The following ZSCAN18 variants were observed in gnomAD, a reference collection of about 807,000 sequenced individuals.
The protein encoded by ZSCAN18 is zinc finger and SCAN domain-containing protein 18.
Under a neutral mutation model 31.1 loss-of-function variants are expected in ZSCAN18, and 16 were observed. The ratio of observed to expected loss-of-function variants is 0.51; its 90% CI spans 0.35 to 0.78. The LOEUF (loss-of-function observed/expected upper bound fraction) is 0.78, where lower values mean the gene tolerates loss of function less well. Among genes scored for constraint, ZSCAN18 ranks in the 30% least tolerant of loss-of-function variants. The pLI is 0.01. For missense variants in ZSCAN18, 731 were observed against 697.4 expected, an observed-to-expected ratio of 1.05 and a Z score of -0.54; for synonymous variants, 375 against 320.7, an observed-to-expected ratio of 1.17 and a Z score of -1.81.
rs753113170 is a variant in ZSCAN18 at position 58,084,714 on chromosome 19, G to T, written c.1504C>A (p.Pro502Thr). The T allele has an allele frequency of 2.0e-6, 3 of 1,507,376 alleles. No individual in the cohort carries two copies. Among genetic ancestry groups the T allele is most frequent in the South Asian group, 2.7e-5 (2 of 75,388 alleles). 93.4% of individuals were successfully genotyped at this position (1,507,376 alleles called of 1,614,324 possible). A position where few individuals can be genotyped will look rare whatever the true frequency, so the allele number is the denominator to read the frequency against. The change falls in exon 7 of 7, where the codon CCC becomes ACC. Residue 502 changes from proline (P) to threonine (T), a missense_variant. Pro to Thr is a conservative substitution (Grantham distance 38, BLOSUM62 -1). This residue lies in a region of ZSCAN18 where 597 missense variants were observed against 499.5 expected (regional missense o/e 1.20). Coordinates refer to ENST00000601144, the MANE Select transcript of ZSCAN18 (RefSeq NM_001145543.2). The surrounding 1 kb of genome is among the most constrained non-coding windows in gnomAD (Gnocchi z 4.5). ...GPPESVEGEA[P>T]PAPPEAQR ...CTCTGCGCCTCTGGGGGTGCGGGGGGAGCCTCGCCCTCCACGCTCTCTGGG... is the reference window on the plus strand; with the variant it reads ...CTCTGCGCCTCTGGGGGTGCGGGGGTAGCCTCGCCCTCCACGCTCTCTGGG...
intron 1 of ZSCAN18, among the ~76,000 whole-genome samples, chr19:58,107,393 C>T (rs1402288657): frequency 6.9e-6 from 1 of 143,894 alleles, no homozygotes; most frequent in Non-Finnish European, 1.6e-5. Flanking sequence ...CCTATCTCTA[C>T]TAAAAAAAAT....
intron 1 of ZSCAN18, among the ~76,000 whole-genome samples, chr19:58,112,088 G>A (rs1290534213): frequency 2.0e-5 from 3 of 152,124 alleles, no homozygotes; most frequent in African/African-American, 7.2e-5. Flanking sequence ...AGGCTGGAGT[G>A]CAGTGGTGCA....
Position 58,087,176 on chromosome 19 carries a change from C to G in ZSCAN18, c.642+140G>C, listed in dbSNP as rs1016179142. ...TCGCACCACAAAGATTCCGCCCTCA[C>G]GCTCCCACCAGGGTGGGTTCTGGGC... On this transcript the variant is annotated intron_variant, in intron 4 of 6. Coordinates refer to ENST00000601144, the MANE Select transcript of ZSCAN18 (RefSeq NM_001145543.2). 4 of 1,049,056 alleles carry G rather than the reference C, an allele frequency of 3.8e-6. No individual in the cohort carries two copies. The African/African-American group carries it at 6.4e-5, about 17-fold the overall frequency. The allele number at this position is 1,049,056 out of a possible 1,614,324, so 65.0% of individuals were successfully genotyped here. A position where few individuals can be genotyped will look rare whatever the true frequency, so the allele number is the denominator to read the frequency against.
At position 58,084,373 on chromosome 19, in the gene ZSCAN18, T is replaced by C. The variant is rs1421004650; in HGVS notation, c.*312A>G. The C allele has an allele frequency of 9.5e-6, 3 of 315,750 alleles. No individual in the cohort carries two copies. The highest frequency in any genetic ancestry group is 1.7e-5 in the Non-Finnish European group (3 of 173,586). The allele number at this position is 315,750 out of a possible 1,614,324, so 19.6% of individuals were successfully genotyped here. A position where few individuals can be genotyped will look rare whatever the true frequency, so the allele number is the denominator to read the frequency against. On this transcript the variant is annotated 3_prime_UTR_variant, in exon 7 of 7. Coordinates refer to ENST00000601144, the MANE Select transcript of ZSCAN18 (RefSeq NM_001145543.2). This position sits in a 1 kb window ranked among gnomAD's most constrained non-coding sequence, Gnocchi z 4.5. ...CAGATCACGCACTTTAAGGCAACTC[T>C]ACACTGCACAATGTCAAATAACCTA...
At chr19:58,108,147 G>A (rs1160177039) in intron 1 of ZSCAN18, 28 of 986,786 alleles carry the variant, frequency 2.8e-5, no homozygotes, top group Non-Finnish European at 3.1e-5. Flanking sequence ...GTTGTGGTTG[G>A]AGAATTTTTC....
rs942240562 is a variant in ZSCAN18, at chr19:58,090,429, G to A, written c.-119-43C>T. 6.2e-6 allele frequency: 9 copies of A among 1,449,260 alleles called. No individual in the cohort carries two copies. In the Admixed American group the frequency reaches 1.1e-4, roughly 18 times the overall value. 89.8% of individuals were successfully genotyped at this position (1,449,260 alleles called of 1,614,324 possible). On this transcript the variant is annotated intron_variant, in intron 1 of 6. Transcript: ENST00000601144. This position sits in a 1 kb window ranked among gnomAD's most constrained non-coding sequence, Gnocchi z 4.7. ...AAGGCAATGGCCTTGCATAAGGCCAGGGCGCAGCCACCCCAGCTGCCAGAG... is the reference window on the plus strand; with the variant it reads ...AAGGCAATGGCCTTGCATAAGGCCAAGGCGCAGCCACCCCAGCTGCCAGAG...
At chr19:58,118,403 G>A (rs760095171), upstream of ZSCAN18, 2 of 1,507,018 alleles carry the variant, frequency 1.3e-6, no homozygotes, top group Admixed American at 2.2e-5. Flanking sequence ...GCATGGGCGC[G>A]CAGAGTTCCC....
At chr19:58,098,147 C>G in intron 1 of ZSCAN18, 27 bp downstream of exon 1, 8 of 985,534 alleles carry the variant, frequency 8.1e-6, no homozygotes, top group Non-Finnish European at 8.4e-6. Flanking sequence ...CTCTGACCCC[C>G]GCGCTGCATC....
At chr19:58,097,983 G>GGCCCCT (rs1169192737) in intron 1 of ZSCAN18, 191 bp downstream of exon 1, 28 of 985,582 alleles carry the variant, frequency 2.8e-5, no homozygotes, top group Non-Finnish European at 3.4e-5. Context: ...GGGGGGACCC[G>GGCCCCT]GCCCCTGCCC....
In ZSCAN18 at chr19:58,088,816, G is replaced by T. The variant is rs73058515; in HGVS notation, c.425C>A (p.Ala142Glu). The T allele has an allele frequency of 6.2e-7, 1 of 1,612,440 alleles. No homozygotes were observed. Among genetic ancestry groups the T allele is most frequent in the Non-Finnish European group, 8.5e-7 (1 of 1,179,476 alleles). Residue 142 changes from alanine to glutamate, a missense_variant, in exon 3 of 7, where the codon GCG becomes GAG. Coordinates refer to ENST00000601144, the MANE Select transcript of ZSCAN18 (RefSeq NM_001145543.2). ...EEPGMLLGSPAGSSSILSDGV... is the reference protein window; with the variant it reads ...EEPGMLLGSPEGSSSILSDGV... ...ATCGCTAAGAATTGAGGATGAGCCC[G>T]CAGGGGAGCCCAGCAGCATCCCTGT...
chr19:58,105,675 T>A (rs4801251), intron 1 of ZSCAN18, among the ~76,000 whole-genome samples: 1 of 148,210 alleles, frequency 6.7e-6, no homozygotes, highest in Non-Finnish European at 1.5e-5. Context: ...AAATAAAAAA[T>A]AAAAAAGAAG....
intron 1 of ZSCAN18, chr19:58,092,647 CAG>C: frequency 1.0e-6 from 1 of 972,764 alleles, no homozygotes; most frequent in Non-Finnish European, 1.2e-6. Flanking sequence ...CTGTGGCTAC[CAG>C]AGTTTAAAGG....
intron 1 of ZSCAN18, among the ~76,000 whole-genome samples, chr19:58,110,894 C>T (rs984561621): frequency 3.3e-5 from 5 of 152,154 alleles, no homozygotes; most frequent in South Asian, 2.1e-4. Flanking sequence ...TTAGGCCAGG[C>T]ACGGTGGCTC....
chr19:58,091,481 C>T (rs1205016654), intron 1 of ZSCAN18, among the ~76,000 whole-genome samples: 1 of 136,652 alleles, frequency 7.3e-6, no homozygotes, highest in Non-Finnish European at 1.5e-5. Context: ...AGGCTTTGAC[C>T]AAAGCATCCA....
At chr19:58,105,959 A>T (rs947675639) in intron 1 of ZSCAN18, among the ~76,000 whole-genome samples, 1 of 152,224 alleles carries the variant, frequency 6.6e-6, no homozygotes, top group Admixed American at 6.5e-5. Flanking sequence ...AGCCGAGGCA[A>T]CAGAGTGAGA....
At chr19:58,085,797 C>G (rs1465203360) in intron 6 of ZSCAN18, 1 of 271,628 alleles carries the variant, frequency 3.7e-6, no homozygotes, top group Non-Finnish European at 6.9e-6. Context: ...AAGGCCAAAC[C>G]CCCCAGCGAC....
At chr19:58,091,745 A>AG (rs1410790525) in intron 1 of ZSCAN18, among the ~76,000 whole-genome samples, 2 of 152,188 alleles carry the variant, frequency 1.3e-5, no homozygotes, top group Non-Finnish European at 2.9e-5. Flanking sequence ...CCAGGCCTCC[A>AG]GTCGGCCTCG....
upstream of ZSCAN18, among the ~76,000 whole-genome samples, chr19:58,100,525 C>T (rs780984030): frequency 3.9e-5 from 6 of 152,116 alleles, no homozygotes; most frequent in Non-Finnish European, 7.4e-5. Flanking sequence ...CAGGTGTGGT[C>T]GAAACGGGCT....
intron 3 of ZSCAN18, chr19:58,087,970 T>A (rs2074317735): frequency 6.3e-6 from 1 of 157,708 alleles, no homozygotes; most frequent in Non-Finnish European, 1.4e-5. Context: ...CAACACCACA[T>A]AGTGCTGGGC....
Sources: gnomAD v4.1 joint callset for allele counts (sites outside exome capture counted in the v4.1 genomes callset) on GRCh38, gnomAD v4.1.1 for gene constraint, gnomAD v4.1.1 regional missense constraint, Gnocchi (gnomAD v3.1) non-coding constraint, MANE v1.5 for transcripts, NCBI Gene and HGNC (gene_info 2026-07-23, HGNC 2026-07-21) for gene names.